The following CDH12 variants were observed in gnomAD, a reference collection of about 807,000 sequenced individuals.
CDH12 encodes cadherin 12.
In CDH12, 41 loss-of-function variants were observed where a neutral mutation model predicts 74.1. The ratio of observed to expected loss-of-function variants is 0.55; its 90% confidence interval spans 0.43 to 0.72. The LOEUF (loss-of-function observed/expected upper bound fraction) is 0.72. CDH12 is among the 30% of genes least tolerant of loss of function. CDH12 has a pLI of 0.00. For missense variants in CDH12, 945 were observed against 977.2 expected (o/e 0.97, Z 0.44); for synonymous variants, 399 against 355.0 (o/e 1.12, Z -1.39).
intron 3 of CDH12, among the ~76,000 whole-genome samples, chr5:22,271,283 G>A (rs548176359): frequency 1.3e-5 from 2 of 152,216 alleles, no homozygotes; most frequent in South Asian, 2.1e-4. Context: ...TTGCTCATCC[G>A]TTGGAAGCAA....
In CDH12 at chr5:21,782,738, T is replaced by C. The variant is rs181530459; in HGVS notation, c.1393+620A>G. ...AAGTTGTGATAATAACCTTGATCGT[T>C]CTGCCAAACAAATAAAACCTATAAT... On this transcript the variant is annotated intron_variant, in intron 11 of 14. Coordinates refer to ENST00000382254, the MANE Select transcript of CDH12 (RefSeq NM_004061.5). 2.8e-4 allele frequency among the ~76,000 whole-genome samples: 43 copies of C among 152,232 alleles called. No homozygotes were observed. In the East Asian group the frequency reaches 8.1e-3, roughly 29 times the overall value.
intron 2 of CDH12, among the ~76,000 whole-genome samples, chr5:22,464,529 C>T (rs1745646560): frequency 6.6e-6 from 1 of 152,100 alleles, no homozygotes; most frequent in African/African-American, 2.4e-5. Context: ...GGATCTGATT[C>T]TTCTGTTAAA....
At chr5:22,574,874 G>A (rs1467613955) in intron 1 of CDH12, among the ~76,000 whole-genome samples, 1 of 152,130 alleles carries the variant, frequency 6.6e-6, no homozygotes, top group Admixed American at 6.6e-5. Flanking sequence ...TATCAGAGAT[G>A]AGTGTTCTAA....
At chr5:22,369,721 A>T (rs1741191894) in intron 3 of CDH12, among the ~76,000 whole-genome samples, 1 of 152,174 alleles carries the variant, frequency 6.6e-6, no homozygotes, top group African/African-American at 2.4e-5. Flanking sequence ...AATCTCAAGC[A>T]ATTTGCTAAA....
chr5:22,598,073 T>A (rs781180599), intron 1 of CDH12, among the ~76,000 whole-genome samples: 73 of 152,184 alleles, frequency 4.8e-4, no homozygotes, highest in Non-Finnish European at 8.2e-4. Flanking sequence ...TCTAATTGTA[T>A]CAATAATCTA....
chr5:22,313,579 A>C (rs1392507496), intron 3 of CDH12, among the ~76,000 whole-genome samples: 1 of 152,188 alleles, frequency 6.6e-6, no homozygotes, highest in African/African-American at 2.4e-5. Flanking sequence ...TATAAATTTT[A>C]TTTTAAAATG....
chr5:21,817,778 A>C (rs149601891), intron 8 of CDH12, among the ~76,000 whole-genome samples: 132 of 151,554 alleles, frequency 8.7e-4, no homozygotes, highest in African/African-American at 3.1e-3. Flanking sequence ...GATATTTTAA[A>C]TCATAAAGTT....
intron 4 of CDH12, among the ~76,000 whole-genome samples, chr5:22,096,388 C>T (rs1580243302): frequency 6.6e-6 from 1 of 151,972 alleles, no homozygotes; most frequent in African/African-American, 2.4e-5. Context: ...CAACTCATCC[C>T]AAATCTTCCT....
intron 2 of CDH12, among the ~76,000 whole-genome samples, chr5:22,422,051 T>A (rs932690336): frequency 6.6e-6 from 1 of 152,200 alleles, no homozygotes; most frequent in African/African-American, 2.4e-5. Context: ...TCTTTATTTC[T>A]CTTTGAATTC....
At chr5:22,123,948 AT>A (rs1580287216) in intron 4 of CDH12, among the ~76,000 whole-genome samples, 1 of 151,228 alleles carries the variant, frequency 6.6e-6, no homozygotes, top group South Asian at 2.1e-4. Flanking sequence ...AAGTTTTGTA[AT>A]TTTTTTATTT....
intron 1 of CDH12, among the ~76,000 whole-genome samples, chr5:22,654,071 C>T (rs1739883290): frequency 7.1e-6 from 1 of 141,840 alleles, no homozygotes; most frequent in African/African-American, 2.6e-5. Context: ...CTTCCCGTTC[C>T]TTCTCCCTTC....
chr5:21,804,888 C>T (rs150126036), intron 9 of CDH12, among the ~76,000 whole-genome samples: 1,701 of 151,990 alleles, frequency 0.011, 38 homozygotes, highest in African/African-American at 0.039. Flanking sequence ...TAGAAGATAT[C>T]GGAGAGAGAA....
At chr5:22,043,589 CA>C (rs974808812) in intron 5 of CDH12, among the ~76,000 whole-genome samples, 18 of 151,772 alleles carry the variant, frequency 1.2e-4, no homozygotes, top group African/African-American at 4.1e-4. Flanking sequence ...AAGTCCTAGC[CA>C]GAGGATTTAG....
At chr5:22,270,032 G>T (rs1736314606) in intron 3 of CDH12, among the ~76,000 whole-genome samples, 1 of 152,040 alleles carries the variant, frequency 6.6e-6, no homozygotes, top group Non-Finnish European at 1.5e-5. Flanking sequence ...TTCATGCTAT[G>T]TCATCAGACT....
At chr5:21,961,026 A>C (rs1756336433) in intron 6 of CDH12, among the ~76,000 whole-genome samples, 1 of 152,064 alleles carries the variant, frequency 6.6e-6, no homozygotes, top group Admixed American at 6.6e-5. Flanking sequence ...TTTTTTGTGT[A>C]GTGTTCTAAA....
intron 5 of CDH12, among the ~76,000 whole-genome samples, chr5:22,053,638 A>G (rs1411844021): frequency 6.6e-6 from 1 of 152,062 alleles, no homozygotes; most frequent in Non-Finnish European, 1.5e-5. Context: ...TATCTTTATC[A>G]GGCAGAAGAC....
chr5:22,324,499 T>A (rs1437664976), intron 3 of CDH12, among the ~76,000 whole-genome samples: 1 of 151,948 alleles, frequency 6.6e-6, no homozygotes, highest in Non-Finnish European at 1.5e-5. Context: ...TACTAAGTTA[T>A]CATGGTTGTA....
intron 1 of CDH12, among the ~76,000 whole-genome samples, chr5:22,560,449 T>G (rs937581667): frequency 6.6e-6 from 1 of 152,138 alleles, no homozygotes. Context: ...AGGTGCTTAC[T>G]GTATCTCAGT....
chr5:21,893,815 T>C (rs537977205), intron 6 of CDH12, among the ~76,000 whole-genome samples: 1 of 152,338 alleles, frequency 6.6e-6, no homozygotes, highest in South Asian at 2.1e-4. Context: ...GTAAGAAAAG[T>C]GTACCAACTG....
Sources: allele counts gnomAD v4.1 joint callset (sites outside exome capture counted in the v4.1 genomes callset), GRCh38; gene constraint gnomAD v4.1.1; transcripts MANE v1.5; gene names NCBI Gene and HGNC (gene_info 2026-07-23, HGNC 2026-07-21).